The following HS6ST3 variants were observed in gnomAD, a reference collection of about 807,000 sequenced individuals.
HS6ST3 encodes heparan sulfate 6-O-sulfotransferase 3, also known as heparan-sulfate 6-O-sulfotransferase 3.
HS6ST3 carries 12 observed loss-of-function variants against 36.7 expected under a neutral mutation model. The ratio of observed to expected loss-of-function variants is 0.33; its 90% CI spans 0.21 to 0.53. HS6ST3 has a LOEUF of 0.53. HS6ST3 is among the 20% of genes least tolerant of loss of function. The pLI is 0.95. For synonymous variants in HS6ST3, 240 were observed against 257.5 expected (o/e 0.93, Z 0.65); for missense variants, 584 against 640.9 (o/e 0.91, Z 0.96).
intron 1 of HS6ST3, among the ~76,000 whole-genome samples, chr13:96,374,996 A>G (rs1383562255): frequency 3.9e-5 from 6 of 152,074 alleles, no homozygotes; most frequent in African/African-American, 1.4e-4. Context: ...TGGCTCCTGC[A>G]CACCTGTTTA....
chr13:96,234,795 C>A (rs2054526422), intron 1 of HS6ST3, among the ~76,000 whole-genome samples: 1 of 152,134 alleles, frequency 6.6e-6, no homozygotes, highest in African/African-American at 2.4e-5. Context: ...AAAGAATATA[C>A]CCAAGCTTGG....
At chr13:96,742,749 A>C (rs1017656572) in intron 1 of HS6ST3, among the ~76,000 whole-genome samples, 1 of 152,126 alleles carries the variant, frequency 6.6e-6, no homozygotes, top group Non-Finnish European at 1.5e-5. Flanking sequence ...TTTTATGATT[A>C]GGGATATTAA....
chr13:96,461,565 T>C (rs2055784398), intron 1 of HS6ST3, among the ~76,000 whole-genome samples: 2 of 152,206 alleles, frequency 1.3e-5, no homozygotes, highest in African/African-American at 4.8e-5. Flanking sequence ...CAAAAATATA[T>C]TTTAAAAATC....
At chr13:96,315,930 C>A (rs1282967775) in intron 1 of HS6ST3, among the ~76,000 whole-genome samples, 3 of 152,092 alleles carry the variant, frequency 2.0e-5, no homozygotes, top group Non-Finnish European at 4.4e-5. Flanking sequence ...AGAGTTGACA[C>A]CATTGTGCAG....
chr13:96,303,881 G>A (rs186573642), intron 1 of HS6ST3, among the ~76,000 whole-genome samples: 11 of 152,208 alleles, frequency 7.2e-5, no homozygotes, highest in African/African-American at 2.6e-4. Flanking sequence ...AGTGGCTCAC[G>A]CCTGTAATCC....
At chr13:96,360,685 G>A (rs1439329710) in intron 1 of HS6ST3, among the ~76,000 whole-genome samples, 2 of 149,058 alleles carry the variant, frequency 1.3e-5, no homozygotes, top group East Asian at 2.0e-4. Context: ...GTGGCTCAAC[G>A]CCTGTAATCC....
chr13:96,383,314 C>T (rs2055351015), intron 1 of HS6ST3, among the ~76,000 whole-genome samples: 1 of 151,754 alleles, frequency 6.6e-6, no homozygotes, highest in African/African-American at 2.4e-5. Flanking sequence ...ATTAGCTGGG[C>T]GTGGTGGCAT....
intron 1 of HS6ST3, among the ~76,000 whole-genome samples, chr13:96,405,740 AG>A (rs1480789260): frequency 6.6e-6 from 1 of 152,218 alleles, no homozygotes; most frequent in African/African-American, 2.4e-5. Flanking sequence ...TTGGTGCAAA[AG>A]GCCTGCCAGT....
chr13:96,603,572 A>G (rs1403268482), intron 1 of HS6ST3, among the ~76,000 whole-genome samples: 1 of 152,168 alleles, frequency 6.6e-6, no homozygotes, highest in African/African-American at 2.4e-5. Flanking sequence ...TGTGGGGTAT[A>G]TACCTAAAAG....
chr13:96,826,918 TC>T (rs1878661312), intron 1 of HS6ST3, among the ~76,000 whole-genome samples: 1 of 152,188 alleles, frequency 6.6e-6, no homozygotes, highest in Non-Finnish European at 1.5e-5. Flanking sequence ...ATCATAACCC[TC>T]ATGGCCACAG....
chr13:96,103,080 G>A (rs1018450588), intron 1 of HS6ST3, among the ~76,000 whole-genome samples: 8 of 151,954 alleles, frequency 5.3e-5, no homozygotes, highest in Non-Finnish European at 5.9e-5. Context: ...TGGAGGGGCC[G>A]GTTTTCCCTA....
At chr13:96,630,272 CT>C (rs1204953384) in intron 1 of HS6ST3, among the ~76,000 whole-genome samples, 17 of 151,908 alleles carry the variant, frequency 1.1e-4, no homozygotes, top group Admixed American at 1.0e-3. Context: ...TTGTAATTTC[CT>C]TGTTTTTATT....
At chr13:96,503,055 T>G (rs1038752606) in intron 1 of HS6ST3, among the ~76,000 whole-genome samples, 7 of 152,216 alleles carry the variant, frequency 4.6e-5, no homozygotes, top group African/African-American at 1.7e-4. Context: ...AAAAGAGTTT[T>G]TCTTCTTAAA....
At chr13:96,351,320 C>CTTTTTTTTTTTTTT (rs11348541) in intron 1 of HS6ST3, among the ~76,000 whole-genome samples, 4 of 143,148 alleles carry the variant, frequency 2.8e-5, no homozygotes, top group African/African-American at 1.1e-4. Flanking sequence ...AGGTGGCAGT[C>CTTTTTTTTTTTTTT]TTTTTTTTTT....
chr13:96,827,100 A>G (rs1878665076), intron 1 of HS6ST3, among the ~76,000 whole-genome samples: 1 of 152,216 alleles, frequency 6.6e-6, no homozygotes. Context: ...AGATTGGTGT[A>G]ACATTCTCTT....
chr13:96,770,188 A>C lies in HS6ST3; in HGVS notation c.708-62302A>C, dbSNP rs562980661. Among the ~76,000 whole-genome samples, 11 of 152,326 alleles carry C rather than the reference A, an allele frequency of 7.2e-5. No homozygotes were observed. In the South Asian group the frequency reaches 1.9e-3, roughly 26 times the overall value. On this transcript the variant is annotated intron_variant, in intron 1 of 1. Coordinates refer to ENST00000376705, the MANE Select transcript of HS6ST3 (RefSeq NM_153456.4). ...TGTACAGAATAATAAATTGTCCAGA[A>C]CTATGTGTGTGCAGTTATTGGTTCT...
At chr13:96,627,335 A>G (rs1035989899) in intron 1 of HS6ST3, among the ~76,000 whole-genome samples, 2 of 151,998 alleles carry the variant, frequency 1.3e-5, no homozygotes, top group African/African-American at 4.8e-5. Context: ...TAGAGTAATC[A>G]ATTTTCTAAC....
At chr13:96,344,348 GGGGA>G (rs2055143810) in intron 1 of HS6ST3, among the ~76,000 whole-genome samples, 1 of 152,200 alleles carries the variant, frequency 6.6e-6, no homozygotes, top group African/African-American at 2.4e-5. Context: ...ATGTGAGGAA[GGGGA>G]TGCTTGTATA....
intron 1 of HS6ST3, among the ~76,000 whole-genome samples, chr13:96,471,888 T>C (rs4328305): frequency 0.95 from 144,172 of 152,222 alleles, 68,596 homozygotes; most frequent in East Asian, 1. Context: ...ATTTTTCTTG[T>C]TCATGGGTAT....
Sources: allele counts gnomAD v4.1 joint callset (sites outside exome capture counted in the v4.1 genomes callset), GRCh38; gene constraint gnomAD v4.1.1; transcripts MANE v1.5; gene names NCBI Gene and HGNC (gene_info 2026-07-23, HGNC 2026-07-21).